Variants in ACER3 observed in about 807,000 individuals in gnomAD.
ACER3 encodes the protein alkaline ceramidase 3.
ACER3 carries 16 observed loss-of-function variants against 48.9 expected under a neutral mutation model. The ratio of observed to expected loss-of-function variants is 0.33; its 90% CI spans 0.22 to 0.50. The LOEUF is 0.50. Ranked by LOEUF, ACER3 falls within the 20% of genes least tolerant of loss-of-function variation. The probability of loss-of-function intolerance (pLI) is 0.98; values close to 1 mark genes in which losing one functional copy is unlikely to be tolerated. For synonymous variants in ACER3, 109 were observed against 107.8 expected, an observed-to-expected ratio of 1.01 and a Z score of -0.07; for missense variants, 227 against 326.0, an observed-to-expected ratio of 0.70 and a Z score of 2.34.
chr11:76,981,900 A>T (rs1240456499), intron 4 of ACER3, among the ~76,000 whole-genome samples: 1 of 152,206 alleles, frequency 6.6e-6, no homozygotes, highest in Non-Finnish European at 1.5e-5. Flanking sequence ...ATATACCTAG[A>T]AGTGGAATTT....
chr11:76,895,670 C>T (rs1215955551), intron 1 of ACER3, among the ~76,000 whole-genome samples: 2 of 152,016 alleles, frequency 1.3e-5, no homozygotes, highest in African/African-American at 2.4e-5. Context: ...ATTTTTCCAC[C>T]GAAGCACCCT....
At chr11:76,969,206 A>C (rs575793269) in intron 3 of ACER3, among the ~76,000 whole-genome samples, 2 of 152,242 alleles carry the variant, frequency 1.3e-5, no homozygotes, top group African/African-American at 4.8e-5. Flanking sequence ...GCTCATCGTC[A>C]CTGGCCATCA....
At position 76,861,021 on chromosome 11, in the gene ACER3, C is replaced by G. The variant is rs138662843; in HGVS notation, c.45C>G (p.Thr15=). The change falls in exon 1 of 11, where the codon ACC becomes ACG. Residue 15 remains threonine (T), a synonymous_variant. Transcript: ENST00000532485. ...ADREGYWGPT[T]STLDWCEENY... Reference sequence around the variant, plus strand: ...GAGAGGGCTACTGGGGCCCCACGACCTCCACGCTGGACTGGTGCGAGGAGA... The same window carrying G: ...GAGAGGGCTACTGGGGCCCCACGACGTCCACGCTGGACTGGTGCGAGGAGA... 18 of 1,547,578 alleles carry G rather than the reference C, an allele frequency of 1.2e-5. No homozygotes were observed. The highest frequency in any genetic ancestry group is 1.6e-5 in the Non-Finnish European group (18 of 1,146,240).
At position 77,025,850 on chromosome 11, in the gene ACER3, G is replaced by GTGGTACAA. The variant is rs1949544353; in HGVS notation, c.*5524_*5525insGGTACAAT. ...TGTCAGCAAGTGGTACAGTGGTACA[G>GTGGTACAA]TACAGTGGTACTGCCCAACTGCACT... On this transcript the variant is annotated 3_prime_UTR_variant, in exon 11 of 11. Coordinates refer to ENST00000532485, the MANE Select transcript of ACER3 (RefSeq NM_018367.7). The GTGGTACAA allele has an allele frequency of 6.6e-6, 1 of 152,216 alleles. No individual in the cohort carries two copies. The highest frequency in any genetic ancestry group is 1.5e-5 in the Non-Finnish European group (1 of 68,040). The allele number at this position is 152,216 out of a possible 1,614,324, so 9.4% of individuals were successfully genotyped here.
intron 1 of ACER3, among the ~76,000 whole-genome samples, chr11:76,886,044 A>G (rs1945663509): frequency 6.6e-6 from 1 of 152,232 alleles, no homozygotes; most frequent in South Asian, 2.1e-4. Flanking sequence ...GTGTTTTCTA[A>G]TTGTGATAAA....
chr11:76,862,423 C>G (rs953052408), intron 1 of ACER3, among the ~76,000 whole-genome samples: 8 of 152,262 alleles, frequency 5.3e-5, no homozygotes, highest in African/African-American at 1.9e-4. Context: ...GAAATATTGG[C>G]AAAGGGATCA....
intron 1 of ACER3, among the ~76,000 whole-genome samples, chr11:76,905,231 GA>G (rs1295944501): frequency 6.6e-6 from 1 of 151,850 alleles, no homozygotes; most frequent in Non-Finnish European, 1.5e-5. Context: ...TGATTTAGAA[GA>G]TTTTTTTTAT....
chr11:77,020,457 ATGC>A lies in ACER3; in HGVS notation c.*134_*136del. On this transcript the variant is annotated 3_prime_UTR_variant, in exon 11 of 11. Transcript: ENST00000532485. The stretch of plus-strand genomic sequence containing the variant: ...CAGCAGAGGAGTGACTTTCTGACTA[ATGC>A]TGCCACCCACACAGAGAATAAGGAG... 1.0e-6 allele frequency: 1 copy of A among 999,324 alleles called. No individual in the cohort carries two copies. Among genetic ancestry groups the A allele is most frequent in the East Asian group, 2.6e-5 (1 of 37,752 alleles). The allele number at this position is 999,324 out of a possible 1,614,324, so 61.9% of individuals were successfully genotyped here. A position where few individuals can be genotyped will look rare whatever the true frequency, so the allele number is the denominator to read the frequency against.
At chr11:76,931,336 C>T (rs1467598745) in intron 2 of ACER3, among the ~76,000 whole-genome samples, 2 of 143,306 alleles carry the variant, frequency 1.4e-5, no homozygotes, top group Non-Finnish European at 3.0e-5. Flanking sequence ...CCCTCCATCC[C>T]TTTATTTTGA....
At chr11:76,927,655 T>C (rs1379285095) in intron 2 of ACER3, among the ~76,000 whole-genome samples, 1 of 148,412 alleles carries the variant, frequency 6.7e-6, no homozygotes, top group Non-Finnish European at 1.5e-5. Flanking sequence ...TTCCCCACCC[T>C]GTGTCCAAGT....
intron 1 of ACER3, among the ~76,000 whole-genome samples, chr11:76,893,418 T>C (rs1370872487): frequency 6.6e-6 from 1 of 152,172 alleles, no homozygotes; most frequent in Non-Finnish European, 1.5e-5. Flanking sequence ...TCAATATCCT[T>C]ATATTTGAAT....
At chr11:76,947,518 T>C (rs1382577832) in intron 2 of ACER3, among the ~76,000 whole-genome samples, 1 of 152,224 alleles carries the variant, frequency 6.6e-6, no homozygotes, top group East Asian at 1.9e-4. Context: ...GCATACTATA[T>C]CCTGGTCTAA....
intron 1 of ACER3, among the ~76,000 whole-genome samples, chr11:76,889,394 T>A (rs185318795): frequency 3.7e-4 from 57 of 152,280 alleles, no homozygotes; most frequent in African/African-American, 1.3e-3. Flanking sequence ...AATGAGAGAA[T>A]TTTAGGGTTT....
intron 2 of ACER3, among the ~76,000 whole-genome samples, chr11:76,927,123 A>G (rs1459297758): frequency 2.0e-5 from 3 of 152,128 alleles, no homozygotes; most frequent in African/African-American, 7.2e-5. Flanking sequence ...TCATGTTTAT[A>G]CTATGTATGT....
At chr11:76,989,199 A>G (rs1345269027) in intron 5 of ACER3, among the ~76,000 whole-genome samples, 1 of 151,714 alleles carries the variant, frequency 6.6e-6, no homozygotes, top group Non-Finnish European at 1.5e-5. Flanking sequence ...GATATACAAT[A>G]TCTCATACAC....
intron 1 of ACER3, among the ~76,000 whole-genome samples, chr11:76,913,560 C>A (rs1160213679): frequency 1.3e-5 from 2 of 152,074 alleles, no homozygotes; most frequent in African/African-American, 4.8e-5. Context: ...ACCTAATTTA[C>A]AAATGGAAGA....
Position 77,026,552 on chromosome 11 carries a change from T to C in ACER3, c.*6225T>C, listed in dbSNP as rs1345406660. 6.6e-6 allele frequency: 1 copy of C among 152,248 alleles called. No homozygotes were observed. The highest frequency in any genetic ancestry group is 1.5e-5 in the Non-Finnish European group (1 of 68,038). The allele number at this position is 152,248 out of a possible 1,614,324, so 9.4% of individuals were successfully genotyped here. ...TAACTTCATAGTTGTCGCAGATGTTTGTTCTAGTAGCGATTATTTAATAAA... is the reference window on the plus strand; with the variant it reads ...TAACTTCATAGTTGTCGCAGATGTTCGTTCTAGTAGCGATTATTTAATAAA... On this transcript the variant is annotated 3_prime_UTR_variant, in exon 11 of 11. Transcript: ENST00000532485.
chr11:76,932,432 A>T (rs554380078), intron 2 of ACER3, among the ~76,000 whole-genome samples: 1 of 152,182 alleles, frequency 6.6e-6, no homozygotes, highest in Non-Finnish European at 1.5e-5. Flanking sequence ...TCTGTTGCTC[A>T]TATGCATTTT....
intron 1 of ACER3, among the ~76,000 whole-genome samples, chr11:76,914,409 G>A (rs932868530): frequency 7.2e-5 from 11 of 152,164 alleles, no homozygotes; most frequent in Non-Finnish European, 8.8e-5. Flanking sequence ...CTTCTCAAAA[G>A]AAGACATTTA....
Sources: gnomAD v4.1 joint callset for allele counts (sites outside exome capture counted in the v4.1 genomes callset) on GRCh38, gnomAD v4.1.1 for gene constraint, MANE v1.5 for transcripts, NCBI Gene and HGNC (gene_info 2026-07-23, HGNC 2026-07-21) for gene names.